Variants in CCNJL observed in about 807,000 individuals in gnomAD.
CCNJL encodes cyclin-J-like protein.
CCNJL carries 33 observed loss-of-function variants against 33.4 expected under a neutral mutation model. The observed-to-expected ratio is 0.99, with a 90% CI of 0.75 to 1.32. The LOEUF (loss-of-function observed/expected upper bound fraction) is 1.32, where lower values mean the gene tolerates loss of function less well. Among genes scored for constraint, CCNJL ranks in the 40% most tolerant of loss-of-function variants. The probability of loss-of-function intolerance (pLI) is 0.00; values close to 1 mark genes in which losing one functional copy is unlikely to be tolerated. For synonymous variants in CCNJL, 227 were observed against 220.9 expected, an observed-to-expected ratio of 1.03 and a Z score of -0.24; for missense variants, 512 against 499.7, an observed-to-expected ratio of 1.02 and a Z score of -0.23.
chr5:160,330,587 C>T (rs746344141), intron 1 of CCNJL, among the ~76,000 whole-genome samples: 8 of 152,188 alleles, frequency 5.3e-5, no homozygotes, highest in Non-Finnish European at 1.0e-4. Flanking sequence ...ACCTCCTGGC[C>T]ACCAGGTCAC....
At chr5:160,309,036 A>G (rs1763182909) in intron 2 of CCNJL, among the ~76,000 whole-genome samples, 2 of 152,182 alleles carry the variant, frequency 1.3e-5, no homozygotes, top group African/African-American at 2.4e-5. Flanking sequence ...GGGAAGGGGT[A>G]AGAGACAAGG....
At chr5:160,303,231 G>A (rs1017782825) in intron 2 of CCNJL, among the ~76,000 whole-genome samples, 1 of 152,082 alleles carries the variant, frequency 6.6e-6, no homozygotes, top group African/African-American at 2.4e-5. Flanking sequence ...TTGAGATGGA[G>A]TTTTGCTCTT....
intron 1 of CCNJL, among the ~76,000 whole-genome samples, chr5:160,338,522 C>T (rs1365087498): frequency 2.0e-5 from 3 of 152,144 alleles, no homozygotes; most frequent in African/African-American, 7.2e-5. Flanking sequence ...CTGTTTCCTC[C>T]AAATTCCTTT....
intron 1 of CCNJL, among the ~76,000 whole-genome samples, chr5:160,324,440 G>A (rs900234040): frequency 1.3e-5 from 2 of 152,162 alleles, no homozygotes; most frequent in East Asian, 1.9e-4. Context: ...AGGCGTGGTG[G>A]CGGGCACCTG....
intron 3 of CCNJL, among the ~76,000 whole-genome samples, chr5:160,262,148 C>T (rs1382308654): frequency 6.6e-6 from 1 of 152,110 alleles, no homozygotes; most frequent in Non-Finnish European, 1.5e-5. Flanking sequence ...TCAGCAGAAA[C>T]GAGCTCTTTC....
intron 1 of CCNJL, among the ~76,000 whole-genome samples, chr5:160,336,616 C>A (rs114022438): frequency 0.012 from 1,898 of 152,292 alleles, 43 homozygotes; most frequent in African/African-American, 0.043. Context: ...GTTATGGCAG[C>A]TCTAGGAAAC....
At chr5:160,292,868 C>T (rs1176382832) in intron 2 of CCNJL, among the ~76,000 whole-genome samples, 3 of 152,140 alleles carry the variant, frequency 2.0e-5, no homozygotes, top group African/African-American at 4.8e-5. Flanking sequence ...GGCAATGTTT[C>T]TCAATACATA....
intron 1 of CCNJL, among the ~76,000 whole-genome samples, chr5:160,328,121 G>A (rs982368255): frequency 2.0e-5 from 3 of 152,186 alleles, no homozygotes; most frequent in African/African-American, 4.8e-5. Flanking sequence ...AAAGGGCAGC[G>A]AACCTGGAAT....
intron 2 of CCNJL, among the ~76,000 whole-genome samples, 175 bp downstream of exon 2, chr5:160,311,683 C>G (rs530459716): frequency 6.6e-6 from 1 of 152,280 alleles, no homozygotes; most frequent in South Asian, 2.1e-4. Context: ...CATCTCCAGT[C>G]TCTAACCCCC....
intron 3 of CCNJL, among the ~76,000 whole-genome samples, chr5:160,278,266 T>C (rs971016325): frequency 2.6e-5 from 4 of 152,098 alleles, no homozygotes; most frequent in Admixed American, 2.0e-4. Context: ...TCCCAAGGTG[T>C]TGGGATTATA....
rs1238572247 is a variant in CCNJL, at chr5:160,329,591, C to T, written n.206+9854G>A. On this transcript the variant is annotated intron_variant and non_coding_transcript_variant, in intron 1 of 7. Coordinates refer to the CCNJL transcript ENST00000377503. ...ATCTCGATCTCCTGACCTCATGACCCACCCACCTTGGCCTCCCAAAGTGCT... is the reference window on the plus strand; with the variant it reads ...ATCTCGATCTCCTGACCTCATGACCTACCCACCTTGGCCTCCCAAAGTGCT... Among the ~76,000 whole-genome samples the T allele has an allele frequency of 7.2e-5, 11 of 152,238 alleles. No homozygotes were observed. In the East Asian group the frequency reaches 1.7e-3, roughly 24 times the overall value.
intron 2 of CCNJL, among the ~76,000 whole-genome samples, chr5:160,301,103 T>C (rs1473181254): frequency 6.6e-6 from 1 of 152,202 alleles, no homozygotes; most frequent in Non-Finnish European, 1.5e-5. Context: ...AGCAGTGCTA[T>C]ATAAAATCAA....
chr5:160,312,495 A>C lies in CCNJL; in HGVS notation c.-181T>G, dbSNP rs1462589621. 1 of 151,650 alleles carries C rather than the reference A, an allele frequency of 6.6e-6. No homozygotes were observed. Among genetic ancestry groups the C allele is most frequent in the African/African-American group, 2.4e-5 (1 of 41,350 alleles). The allele number at this position is 151,650 out of a possible 1,614,324, so 9.4% of individuals were successfully genotyped here. ...CCGCACTCCCGACGGCCGCCTCCGC[A>C]GCCCGACTAGCCCCCGCCGTCGCCG... On this transcript the variant is annotated 5_prime_UTR_variant, in exon 1 of 6. Coordinates refer to ENST00000257536, the MANE Select transcript of CCNJL (RefSeq NM_001308173.3).
At chr5:160,301,657 GA>G (rs1220587391) in intron 2 of CCNJL, among the ~76,000 whole-genome samples, 2 of 151,322 alleles carry the variant, frequency 1.3e-5, no homozygotes, top group African/African-American at 2.4e-5. Context: ...GGATGGTCTT[GA>G]ACTCCTGCCT....
chr5:160,271,906 CT>C (rs1761847355), intron 3 of CCNJL, among the ~76,000 whole-genome samples: 1 of 152,220 alleles, frequency 6.6e-6, no homozygotes, highest in Admixed American at 6.5e-5. Context: ...ATGTAGGGAG[CT>C]ATTAAATTAT....
intron 3 of CCNJL, among the ~76,000 whole-genome samples, chr5:160,265,663 C>T (rs1761550183): frequency 6.6e-6 from 1 of 151,084 alleles, no homozygotes; most frequent in Non-Finnish European, 1.5e-5. Context: ...AATGCCCCAG[C>T]CTGGCCAACA....
chr5:160,280,028 C>T (rs963443639), intron 3 of CCNJL, among the ~76,000 whole-genome samples: 1 of 152,242 alleles, frequency 6.6e-6, no homozygotes, highest in Non-Finnish European at 1.5e-5. Context: ...GGTGACCACA[C>T]AATGGGTCCT....
intron 2 of CCNJL, among the ~76,000 whole-genome samples, chr5:160,307,305 C>A (rs1269297157): frequency 6.6e-6 from 1 of 152,110 alleles, no homozygotes; most frequent in Non-Finnish European, 1.5e-5. Flanking sequence ...GTGGGTAGGA[C>A]AAGTCACTAT....
intron 3 of CCNJL, among the ~76,000 whole-genome samples, chr5:160,262,966 G>A (rs1180573027): frequency 2.0e-5 from 3 of 152,210 alleles, no homozygotes; most frequent in Non-Finnish European, 4.4e-5. Context: ...AGTCCCCTGG[G>A]AGAGGCTGGG....
Sources: allele counts gnomAD v4.1 joint callset (sites outside exome capture counted in the v4.1 genomes callset), GRCh38; gene constraint gnomAD v4.1.1; transcripts MANE v1.5; gene names NCBI Gene and HGNC (gene_info 2026-07-23, HGNC 2026-07-21).